XIRP2: variants seen among roughly 807,000 people sequenced by gnomAD.
The protein encoded by XIRP2 is xin actin-binding repeat-containing protein 2.
A neutral mutation model predicts 277.0 loss-of-function variants in XIRP2; 236 were observed. The observed-to-expected ratio is 0.85, with a 90% CI of 0.77 to 0.95. The LOEUF (loss-of-function observed/expected upper bound fraction) is 0.95, where lower values mean the gene tolerates loss of function less well. Among genes scored for constraint, XIRP2 ranks in the 40% least tolerant of loss-of-function variants. XIRP2 has a pLI of 0.00. For synonymous variants in XIRP2, 1,490 were observed against 1,416.5 expected (o/e 1.05, Z -1.17); for missense variants, 4,640 against 4,157.5 (o/e 1.12, Z -3.19).
chr2:166,894,322 T>C lies in XIRP2; in HGVS notation c.-19+5765T>C, dbSNP rs76344405. ...AGACCTCATACTCTTTTATACAAGATAGCAGATCACCTGGCAGGAACGTGA... is the reference window on the plus strand; with the variant it reads ...AGACCTCATACTCTTTTATACAAGACAGCAGATCACCTGGCAGGAACGTGA... On this transcript the variant is annotated intron_variant, in intron 1 of 10. Transcript: ENST00000409195. Among the ~76,000 whole-genome samples, 175 of 152,272 alleles carry C rather than the reference T, an allele frequency of 1.1e-3. 1 individual carries two copies. Among genetic ancestry groups the C allele is most frequent in the African/African-American group, 4.1e-3 (170 of 41,568 alleles).
intron 2 of XIRP2, among the ~76,000 whole-genome samples, chr2:166,924,678 T>C (rs376985473): frequency 1.3e-5 from 2 of 152,024 alleles, no homozygotes; most frequent in Non-Finnish European, 2.9e-5. Context: ...CCATATTTTA[T>C]AGGATGGCAA....
intron 2 of XIRP2, among the ~76,000 whole-genome samples, chr2:167,134,221 A>G (rs1691469978): frequency 6.6e-6 from 1 of 151,070 alleles, no homozygotes; most frequent in Non-Finnish European, 1.5e-5. Flanking sequence ...ATGTATATTC[A>G]TGTGTATATG....
At chr2:167,117,394 A>G (rs1690926067) in intron 2 of XIRP2, among the ~76,000 whole-genome samples, 1 of 152,196 alleles carries the variant, frequency 6.6e-6, no homozygotes, top group African/African-American at 2.4e-5. Context: ...AAATCCATTT[A>G]AAGGTGACTC....
At chr2:167,014,217 A>G (rs1687761020) in intron 2 of XIRP2, among the ~76,000 whole-genome samples, 1 of 151,654 alleles carries the variant, frequency 6.6e-6, no homozygotes, top group Admixed American at 6.6e-5. Context: ...AAAACAAATT[A>G]AAAGGGACAG....
chr2:167,085,267 T>G (rs900139921), intron 2 of XIRP2, among the ~76,000 whole-genome samples: 53 of 152,072 alleles, frequency 3.5e-4, no homozygotes, highest in African/African-American at 1.2e-3. Context: ...GTGAGTTTCT[T>G]AATCCTGAGT....
At chr2:166,918,499 T>G (rs1684950145) in intron 2 of XIRP2, among the ~76,000 whole-genome samples, 1 of 152,156 alleles carries the variant, frequency 6.6e-6, no homozygotes, top group Admixed American at 6.6e-5. Flanking sequence ...AATATTCACT[T>G]ATGGTATTTG....
intron 2 of XIRP2, among the ~76,000 whole-genome samples, chr2:167,089,386 T>G (rs1178668711): frequency 6.6e-6 from 1 of 152,130 alleles, no homozygotes; most frequent in Non-Finnish European, 1.5e-5. Context: ...GAAAAAGCAA[T>G]TAGCTCAGCT....
At chr2:167,235,664 G>C (rs1694881582) in intron 5 of XIRP2, among the ~76,000 whole-genome samples, 1 of 151,878 alleles carries the variant, frequency 6.6e-6, no homozygotes, top group African/African-American at 2.4e-5. Context: ...CAAGAATAGT[G>C]CACCCTGTAT....
chr2:167,108,535 T>G (rs930274867), intron 2 of XIRP2, among the ~76,000 whole-genome samples: 1 of 152,072 alleles, frequency 6.6e-6, no homozygotes, highest in African/African-American at 2.4e-5. Context: ...TTTCTCATTT[T>G]TATTGTTTGT....
At chr2:167,234,532 G>A (rs1230830411) in intron 5 of XIRP2, among the ~76,000 whole-genome samples, 1 of 151,598 alleles carries the variant, frequency 6.6e-6, no homozygotes, top group East Asian at 1.9e-4. Flanking sequence ...ATAAATGCAT[G>A]AGTGAAGCTC....
chr2:167,113,511 C>G (rs1227565504), intron 2 of XIRP2, among the ~76,000 whole-genome samples: 1 of 152,082 alleles, frequency 6.6e-6, no homozygotes, highest in Non-Finnish European at 1.5e-5. Context: ...TTTTCTCCAT[C>G]CCTTCATTTT....
At chr2:167,007,595 G>A (rs1043721452) in intron 2 of XIRP2, among the ~76,000 whole-genome samples, 37 of 151,254 alleles carry the variant, frequency 2.4e-4, no homozygotes, top group Admixed American at 1.6e-3. Flanking sequence ...TGTACTGGGG[G>A]GAATGGGGCA....
chr2:166,955,668 G>A lies in XIRP2; in HGVS notation c.408+51778G>A, dbSNP rs189381615. On this transcript the variant is annotated intron_variant, in intron 2 of 10. Transcript: ENST00000409195. ...AAATCCATACAACTTATGATATAGA[G>A]TAATCATCTTTTCTATACCCTCGTA... is the stretch of plus-strand genomic sequence containing the variant. 2.1e-4 allele frequency among the ~76,000 whole-genome samples: 32 copies of A among 151,886 alleles called. 1 individual carries two copies. The highest frequency in any genetic ancestry group is 2.4e-4 in the Non-Finnish European group (16 of 67,848).
intron 2 of XIRP2, among the ~76,000 whole-genome samples, chr2:167,096,361 G>C (rs537525362): frequency 6.6e-6 from 1 of 152,006 alleles, no homozygotes; most frequent in East Asian, 1.9e-4. Flanking sequence ...ATTCTCTGAT[G>C]GTAGTTTGTA....
At chr2:167,135,364 T>G (rs1171344829) in intron 2 of XIRP2, among the ~76,000 whole-genome samples, 1 of 152,170 alleles carries the variant, frequency 6.6e-6, no homozygotes, top group Non-Finnish European at 1.5e-5. Context: ...CTCTTCACCT[T>G]TAAATTACTA....
At chr2:167,090,308 G>A (rs1327478929) in intron 2 of XIRP2, among the ~76,000 whole-genome samples, 4 of 152,002 alleles carry the variant, frequency 2.6e-5, no homozygotes, top group Non-Finnish European at 5.9e-5. Flanking sequence ...ACGTGATTGA[G>A]TAATGTAGTT....
chr2:167,086,677 CTTCATTTCA>C (rs1016896812), intron 2 of XIRP2, among the ~76,000 whole-genome samples: 32 of 151,930 alleles, frequency 2.1e-4, no homozygotes, highest in Non-Finnish European at 4.0e-4. Context: ...TCCCTTCTCG[CTTCATTTCA>C]TTCATTTCAT....
At chr2:166,962,569 A>G (rs746957333) in intron 2 of XIRP2, among the ~76,000 whole-genome samples, 2 of 151,838 alleles carry the variant, frequency 1.3e-5, no homozygotes, top group Admixed American at 1.3e-4. Context: ...GACTTGCTTC[A>G]TAAGCAAAAA....
intron 2 of XIRP2, among the ~76,000 whole-genome samples, chr2:167,056,253 C>G (rs1317574079): frequency 1.3e-5 from 2 of 152,102 alleles, no homozygotes; most frequent in Non-Finnish European, 1.5e-5. Context: ...GCATTTTTCT[C>G]ATCTCCTCTG....
Sources: gnomAD v4.1 joint callset for allele counts (sites outside exome capture counted in the v4.1 genomes callset) on GRCh38, gnomAD v4.1.1 for gene constraint, MANE v1.5 for transcripts, NCBI Gene and HGNC (gene_info 2026-07-23, HGNC 2026-07-21) for gene names.